Variants in STXBP5L observed in about 807,000 individuals in gnomAD.
STXBP5L encodes the protein syntaxin binding protein 5L.
A neutral mutation model predicts 144.5 loss-of-function variants in STXBP5L; 65 were observed. The ratio of observed to expected loss-of-function variants is 0.45; its 90% CI spans 0.37 to 0.55. The LOEUF is 0.55. STXBP5L is among the 20% of genes least tolerant of loss of function. STXBP5L has a pLI of 0.00. For missense variants in STXBP5L, 1,298 were observed against 1,405.5 expected (o/e 0.92, Z 1.22); for synonymous variants, 505 against 469.6 (o/e 1.08, Z -0.97).
chr3:121,283,895 T>TGTG (rs1559934600), intron 19 of STXBP5L, among the ~76,000 whole-genome samples: 65 of 116,190 alleles, frequency 5.6e-4, no homozygotes, highest in African/African-American at 1.2e-3. Context: ...GTGTGTGTGC[T>TGTG]TGTGTGTGTG....
At chr3:121,058,513 A>C (rs1948608370) in intron 5 of STXBP5L, among the ~76,000 whole-genome samples, 1 of 152,198 alleles carries the variant, frequency 6.6e-6, no homozygotes, top group African/African-American at 2.4e-5. Context: ...GCTGGGTCAA[A>C]TGGTATTTCT....
chr3:120,999,198 A>G (rs968786849), intron 3 of STXBP5L, among the ~76,000 whole-genome samples: 1 of 152,002 alleles, frequency 6.6e-6, no homozygotes, highest in Non-Finnish European at 1.5e-5. Context: ...GACTACAGGC[A>G]TATGCTACCA....
chr3:121,269,142 A>G (rs2050662851), intron 18 of STXBP5L, among the ~76,000 whole-genome samples: 2 of 152,254 alleles, frequency 1.3e-5, no homozygotes, highest in East Asian at 1.9e-4. Flanking sequence ...AAGGGGGGAA[A>G]AAAGCATAAG....
Position 121,045,445 on chromosome 3 carries a change from T to C in STXBP5L, c.380T>C (p.Val127Ala). 1 of 1,610,058 alleles carries C rather than the reference T, an allele frequency of 6.2e-7. No individual in the cohort carries two copies. The highest frequency in any genetic ancestry group is 8.5e-7 in the Non-Finnish European group (1 of 1,178,284). The part of the protein sequence containing the change: ...LQFLINEGAL[V>A]SASSDDTLHL... ...TTCTTTTTGTTCTAGGGTGCCTTGG[T>C]CAGTGCAAGTTCAGATGATACACTT... The change falls in exon 5 of 27, where the codon GTC (valine) becomes GCC (alanine). Residue 127 changes from valine to alanine, a missense_variant. Coordinates refer to ENST00000471454, the MANE Select transcript of STXBP5L (RefSeq NM_001308330.2).
chr3:121,024,299 T>G (rs1158929328), intron 3 of STXBP5L, among the ~76,000 whole-genome samples: 1 of 152,140 alleles, frequency 6.6e-6, no homozygotes, highest in Non-Finnish European at 1.5e-5. Context: ...GGATCACAAA[T>G]AAGCATATGA....
intron 5 of STXBP5L, among the ~76,000 whole-genome samples, chr3:121,094,830 T>A (rs1196999279): frequency 6.6e-6 from 1 of 152,152 alleles, no homozygotes; most frequent in Non-Finnish European, 1.5e-5. Flanking sequence ...GTTAGGTGGT[T>A]ATTTTGCTCG....
chr3:121,012,794 G>A (rs1944878931), intron 3 of STXBP5L, among the ~76,000 whole-genome samples: 1 of 151,684 alleles, frequency 6.6e-6, no homozygotes, highest in Non-Finnish European at 1.5e-5. Flanking sequence ...ACCCAAGTAG[G>A]AAACAAAGTA....
At chr3:121,078,309 T>C (rs1036645722) in intron 5 of STXBP5L, among the ~76,000 whole-genome samples, 3 of 151,508 alleles carry the variant, frequency 2.0e-5, no homozygotes, top group African/African-American at 7.3e-5. Context: ...AGAGTGTCGA[T>C]TGATGCATTC....
chr3:120,968,912 A>G (rs1031205840), intron 3 of STXBP5L, among the ~76,000 whole-genome samples: 2 of 152,048 alleles, frequency 1.3e-5, no homozygotes, highest in African/African-American at 4.8e-5. Context: ...GCATTTGTAT[A>G]TATGCCATTT....
At chr3:121,106,506 T>G (rs1032343256) in intron 5 of STXBP5L, among the ~76,000 whole-genome samples, 3 of 152,212 alleles carry the variant, frequency 2.0e-5, no homozygotes, top group African/African-American at 7.2e-5. Flanking sequence ...TTTGGTTTTC[T>G]GTTCCTGTGT....
intron 10 of STXBP5L, among the ~76,000 whole-genome samples, chr3:121,222,728 CA>C (rs1365512540): frequency 1.3e-5 from 2 of 152,148 alleles, no homozygotes; most frequent in Admixed American, 1.3e-4. Flanking sequence ...TCAGTGAGCA[CA>C]TCTACCTTCC....
intron 5 of STXBP5L, among the ~76,000 whole-genome samples, chr3:121,096,130 C>A (rs1045516232): frequency 6.6e-6 from 1 of 152,068 alleles, no homozygotes; most frequent in Non-Finnish European, 1.5e-5. Context: ...TCTGACAATC[C>A]CCAGTGAGAT....
At chr3:121,232,988 G>T (rs932374508) in intron 11 of STXBP5L, among the ~76,000 whole-genome samples, 1 of 152,092 alleles carries the variant, frequency 6.6e-6, no homozygotes, top group Non-Finnish European at 1.5e-5. Context: ...GGGCACTTAG[G>T]TTCTACCTGT....
chr3:121,029,395 A>G (rs1946198429), intron 3 of STXBP5L, among the ~76,000 whole-genome samples: 1 of 152,116 alleles, frequency 6.6e-6, no homozygotes, highest in Non-Finnish European at 1.5e-5. Flanking sequence ...CAACCATCTG[A>G]TCTTTGACAA....
At position 121,225,977 on chromosome 3, in the gene STXBP5L, A is replaced by G. The variant is rs114080257; in HGVS notation, c.1111+2820A>G. 3.6e-3 allele frequency among the ~76,000 whole-genome samples: 546 copies of G among 152,318 alleles called. 5 individuals are homozygous for G. Among genetic ancestry groups the G allele is most frequent in the African/African-American group, 0.011 (450 of 41,582 alleles). ...CAATAGAAGGCTTCAATGCAATGCT[A>G]AAACATGTAAACTGTAACTAGTACA... On this transcript the variant is annotated intron_variant, in intron 11 of 26. Transcript: ENST00000471454.
intron 9 of STXBP5L, among the ~76,000 whole-genome samples, chr3:121,163,458 A>G (rs2046392270): frequency 6.6e-6 from 1 of 152,046 alleles, no homozygotes; most frequent in South Asian, 2.1e-4. Context: ...GCATTAGGAC[A>G]AATACCTAAT....
intron 7 of STXBP5L, among the ~76,000 whole-genome samples, chr3:121,144,760 G>A (rs1487562786): frequency 2.0e-5 from 3 of 151,914 alleles, no homozygotes; most frequent in African/African-American, 7.2e-5. Context: ...TTATTAGGGT[G>A]GAAGAGTATC....
Position 120,946,164 on chromosome 3 carries a change from G to C in STXBP5L, c.190-8776G>C, listed in dbSNP as rs549256094. ...GGTTGGGGTATGTATTAGGATGCAA[G>C]TTAGGCTACTGTAACAGGCCATAAT... On this transcript the variant is annotated intron_variant, in intron 2 of 26. Coordinates refer to ENST00000471454, the MANE Select transcript of STXBP5L (RefSeq NM_001308330.2). Among the ~76,000 whole-genome samples the C allele has an allele frequency of 1.2e-4, 18 of 151,906 alleles. No homozygotes were observed. In the South Asian group the frequency reaches 1.7e-3, roughly 14 times the overall value.
chr3:120,978,434 T>G (rs915979928), intron 3 of STXBP5L, among the ~76,000 whole-genome samples: 3 of 152,226 alleles, frequency 2.0e-5, no homozygotes, highest in Non-Finnish European at 2.9e-5. Flanking sequence ...GTTATTCTAG[T>G]TATACATTTG....
Sources: allele counts gnomAD v4.1 joint callset (sites outside exome capture counted in the v4.1 genomes callset), GRCh38; gene constraint gnomAD v4.1.1; transcripts MANE v1.5; gene names NCBI Gene and HGNC (gene_info 2026-07-23, HGNC 2026-07-21).